ATXN7L1: variants seen among roughly 807,000 people sequenced by gnomAD.
The protein encoded by ATXN7L1 is ataxin-7-like protein 1.
ATXN7L1 carries 15 observed loss-of-function variants against 70.8 expected under a neutral mutation model. The observed-to-expected ratio is 0.21, with a 90% CI of 0.14 to 0.33. ATXN7L1 has a LOEUF of 0.33. Ranked by LOEUF, ATXN7L1 falls within the 10% of genes least tolerant of loss-of-function variation. The pLI, the probability that ATXN7L1 is intolerant of heterozygous loss-of-function variation, is 1.00. For synonymous variants in ATXN7L1, 440 were observed against 445.1 expected, an observed-to-expected ratio of 0.99 and a Z score of 0.14; for missense variants, 975 against 1,097.1, an observed-to-expected ratio of 0.89 and a Z score of 1.57.
chr7:105,694,886 C>T (rs558422646), intron 3 of ATXN7L1, among the ~76,000 whole-genome samples: 2 of 152,364 alleles, frequency 1.3e-5, no homozygotes, highest in Non-Finnish European at 2.9e-5. Context: ...GGCACGGTGG[C>T]TCACACCTGT....
At chr7:105,813,183 T>C (rs1326842186) in intron 2 of ATXN7L1, among the ~76,000 whole-genome samples, 1 of 152,212 alleles carries the variant, frequency 6.6e-6, no homozygotes, top group Non-Finnish European at 1.5e-5. Context: ...CCAAATGCTT[T>C]GTTAAAACCA....
chr7:105,832,281 G>A (rs563652534), intron 2 of ATXN7L1, among the ~76,000 whole-genome samples: 1 of 151,956 alleles, frequency 6.6e-6, no homozygotes, highest in East Asian at 1.9e-4. Flanking sequence ...GAATAGGGAG[G>A]GGATTGCTAA....
chr7:105,706,200 CT>C (rs368132326), intron 3 of ATXN7L1, among the ~76,000 whole-genome samples: 89 of 145,740 alleles, frequency 6.1e-4, no homozygotes, highest in Admixed American at 5.5e-4. Flanking sequence ...TTGTTTTTGT[CT>C]TTTTTTTTTT....
intron 3 of ATXN7L1, among the ~76,000 whole-genome samples, chr7:105,729,621 G>A (rs1384653998): frequency 6.6e-6 from 1 of 151,562 alleles, no homozygotes; most frequent in African/African-American, 2.4e-5. Context: ...GTAGAGACAG[G>A]GTTTCACCAC....
chr7:105,690,740 T>G (rs1584740060), intron 3 of ATXN7L1, among the ~76,000 whole-genome samples: 1 of 151,974 alleles, frequency 6.6e-6, no homozygotes, highest in African/African-American at 2.4e-5. Flanking sequence ...AGATGGGAGG[T>G]GCTCAAGGTA....
chr7:105,671,179 A>G (rs1301495512), intron 3 of ATXN7L1, among the ~76,000 whole-genome samples: 7 of 148,550 alleles, frequency 4.7e-5, no homozygotes, highest in African/African-American at 1.7e-4. Context: ...GCTACTCAGG[A>G]GGCTGCGGCA....
chr7:105,838,662 G>A (rs1812764925), intron 2 of ATXN7L1, among the ~76,000 whole-genome samples: 1 of 152,116 alleles, frequency 6.6e-6, no homozygotes, highest in South Asian at 2.1e-4. Context: ...AATAAAAAAA[G>A]GCCTGTGGCT....
At chr7:105,804,269 T>C (rs984740977) in intron 2 of ATXN7L1, among the ~76,000 whole-genome samples, 1 of 152,012 alleles carries the variant, frequency 6.6e-6, no homozygotes, top group Non-Finnish European at 1.5e-5. Flanking sequence ...CTGATATGAA[T>C]AGAGGGGAAG....
At chr7:105,783,512 G>A (rs1429584904) in intron 3 of ATXN7L1, among the ~76,000 whole-genome samples, 2 of 152,120 alleles carry the variant, frequency 1.3e-5, no homozygotes, top group Non-Finnish European at 2.9e-5. Flanking sequence ...ATTGGAGATT[G>A]AGCCAATCAC....
At chr7:105,770,297 C>T (rs1280487446) in intron 3 of ATXN7L1, among the ~76,000 whole-genome samples, 2 of 152,226 alleles carry the variant, frequency 1.3e-5, no homozygotes, top group Non-Finnish European at 1.5e-5. Flanking sequence ...CTTTACTCAG[C>T]GCTGTAAATT....
chr7:105,790,929 T>G (rs1805133708), intron 2 of ATXN7L1, among the ~76,000 whole-genome samples: 1 of 152,170 alleles, frequency 6.6e-6, no homozygotes, highest in African/African-American at 2.4e-5. Flanking sequence ...GTTCAACCTG[T>G]GTCTTTAATG....
chr7:105,723,573 G>C (rs527827245), intron 3 of ATXN7L1, among the ~76,000 whole-genome samples: 2 of 152,202 alleles, frequency 1.3e-5, no homozygotes, highest in South Asian at 4.2e-4. Context: ...ACTAGCCAAA[G>C]GGAGAGAGGC....
intron 2 of ATXN7L1, among the ~76,000 whole-genome samples, chr7:105,822,054 C>T (rs1810238003): frequency 6.6e-6 from 1 of 152,200 alleles, no homozygotes; most frequent in African/African-American, 2.4e-5. Flanking sequence ...GTCATAGAGC[C>T]CTTCCCTATA....
chr7:105,665,039 C>T (rs1263557295), intron 4 of ATXN7L1, 27 bp downstream of exon 4: 2 of 1,530,474 alleles, frequency 1.3e-6, no homozygotes, highest in East Asian at 2.5e-5. Flanking sequence ...GGACAGACAG[C>T]AGCTGGCTGC....
chr7:105,862,819 C>G (rs143609777), intron 2 of ATXN7L1, among the ~76,000 whole-genome samples: 1 of 152,140 alleles, frequency 6.6e-6, no homozygotes, highest in Admixed American at 6.5e-5. Flanking sequence ...TCCAAAGTCA[C>G]GGGAAGTAAA....
At chr7:105,718,554 C>T (rs538920759) in intron 3 of ATXN7L1, among the ~76,000 whole-genome samples, 119 of 152,312 alleles carry the variant, frequency 7.8e-4, no homozygotes, top group African/African-American at 2.8e-3. Flanking sequence ...GAGAGGTGGA[C>T]ACAGATAACC....
intron 3 of ATXN7L1, among the ~76,000 whole-genome samples, chr7:105,687,635 G>A (rs1790115444): frequency 6.6e-6 from 1 of 152,174 alleles, no homozygotes; most frequent in African/African-American, 2.4e-5. Flanking sequence ...AACCCACCCA[G>A]GCTGTTTCAT....
chr7:105,853,742 C>T (rs1177948628), intron 2 of ATXN7L1, among the ~76,000 whole-genome samples: 4 of 151,966 alleles, frequency 2.6e-5, no homozygotes, highest in Admixed American at 2.6e-4. Flanking sequence ...CCAGCCTGGG[C>T]AACAGAGCGA....
At chr7:105,795,962 A>G (rs151100862) in intron 2 of ATXN7L1, among the ~76,000 whole-genome samples, 13 of 152,322 alleles carry the variant, frequency 8.5e-5, no homozygotes, top group African/African-American at 3.1e-4. Flanking sequence ...TATGCTTTTC[A>G]TTTTAACTTA....
Sources: allele counts gnomAD v4.1 joint callset (sites outside exome capture counted in the v4.1 genomes callset), GRCh38; gene constraint gnomAD v4.1.1; transcripts MANE v1.5; gene names NCBI Gene and HGNC (gene_info 2026-07-23, HGNC 2026-07-21).